The following ACTN2 variants were observed in gnomAD, a reference collection of about 807,000 sequenced individuals.
ACTN2 encodes the protein alpha-actinin-2.
Under a neutral mutation model 113.8 loss-of-function variants are expected in ACTN2, and 39 were observed. The ratio of observed to expected loss-of-function variants is 0.34; its 90% CI spans 0.27 to 0.45. The LOEUF is 0.45. Among genes scored for constraint, ACTN2 ranks in the 20% least tolerant of loss-of-function variants. The pLI, the probability that ACTN2 is intolerant of heterozygous loss-of-function variation, is 1.00. For missense variants in ACTN2, 992 were observed against 1,177.9 expected (o/e 0.84, Z 2.31); for synonymous variants, 429 against 444.1 (o/e 0.97, Z 0.43).
intron 1 of ACTN2, among the ~76,000 whole-genome samples, chr1:236,711,104 A>G (rs1658012410): frequency 6.6e-6 from 1 of 152,232 alleles, no homozygotes; most frequent in Non-Finnish European, 1.5e-5. Flanking sequence ...ATCTGCATCC[A>G]GGGAAGGCCT....
At chr1:236,719,177 T>C (rs1330318376) in intron 3 of ACTN2, among the ~76,000 whole-genome samples, 164 bp downstream of exon 3, 3 of 152,178 alleles carry the variant, frequency 2.0e-5, no homozygotes, top group Middle Eastern at 3.2e-3. Flanking sequence ...TAAGAACAAA[T>C]GGTACCATGA....
intron 1 of ACTN2, among the ~76,000 whole-genome samples, chr1:236,715,341 C>G (rs1297582749): frequency 1.2e-4 from 15 of 122,032 alleles, no homozygotes; most frequent in Admixed American, 8.3e-4. Flanking sequence ...AAGTTTTATA[C>G]CAAAGAAACC....
At chr1:236,698,394 A>G (rs1249547282) in intron 1 of ACTN2, among the ~76,000 whole-genome samples, 1 of 152,190 alleles carries the variant, frequency 6.6e-6, no homozygotes, top group East Asian at 1.9e-4. Context: ...AGTCATGAAA[A>G]TCGTAAAAGC....
rs763105764 is a variant in ACTN2, at chr1:236,747,675, A to G, written c.1415A>G (p.Asp472Gly). 1 of 1,613,890 alleles carries G rather than the reference A, an allele frequency of 6.2e-7. No individual in the cohort carries two copies. The highest frequency in any genetic ancestry group is 1.3e-5 in the African/African-American group (1 of 75,048). The change falls in exon 13 of 21, where the codon GAC becomes GGC. Residue 472 changes from aspartate (D) to glycine (G), a missense_variant. This residue lies in a region of ACTN2 where 736 missense variants were observed against 815.4 expected (regional missense o/e 0.90). Coordinates refer to ENST00000366578, the MANE Select transcript of ACTN2 (RefSeq NM_001103.4). ...ATTTTCACTTTTAATAGTGAACTGG[A>G]CTATCACGACGCTGTGAATGTCAAT... is the stretch of plus-strand genomic sequence containing the variant. The part of the protein sequence containing the change: ...AAIAQELNEL[D>G]YHDAVNVNDR...
At chr1:236,745,116 T>C (rs375159969) in intron 12 of ACTN2, among the ~76,000 whole-genome samples, 4 of 152,196 alleles carry the variant, frequency 2.6e-5, no homozygotes, top group East Asian at 3.9e-4. Flanking sequence ...TAGCCTGTCC[T>C]GAAATCAACA....
intron 1 of ACTN2, among the ~76,000 whole-genome samples, chr1:236,700,449 A>G (rs1657639390): frequency 6.6e-6 from 1 of 152,174 alleles, no homozygotes; most frequent in Admixed American, 6.5e-5. Flanking sequence ...AGGCCTGTAT[A>G]TGTGGGTGGC....
At chr1:236,699,303 G>T (rs1246529018) in intron 1 of ACTN2, among the ~76,000 whole-genome samples, 1 of 152,124 alleles carries the variant, frequency 6.6e-6, no homozygotes, top group Admixed American at 6.6e-5. Flanking sequence ...GGTGCAACTG[G>T]GAATGTCTGA....
intron 12 of ACTN2, among the ~76,000 whole-genome samples, chr1:236,745,161 G>A (rs1471504174): frequency 1.3e-5 from 2 of 152,130 alleles, no homozygotes; most frequent in East Asian, 1.9e-4. Flanking sequence ...CTGGCCGGGC[G>A]CGGTGGCTCA....
At chr1:236,728,143 CT>C (rs11436295) in intron 6 of ACTN2, among the ~76,000 whole-genome samples, 51,361 of 120,516 alleles carry the variant, frequency 0.43, 8,827 homozygotes, top group Non-Finnish European at 0.51. Flanking sequence ...TAGCCCAAGC[CT>C]TTTTTTTTTT....
intron 1 of ACTN2, among the ~76,000 whole-genome samples, chr1:236,715,737 C>A (rs1032412892): frequency 2.0e-5 from 3 of 152,114 alleles, no homozygotes; most frequent in Non-Finnish European, 4.4e-5. Context: ...AGATGGATCA[C>A]CTGAAGTCAG....
At chr1:236,705,896 A>G (rs1053646052) in intron 1 of ACTN2, among the ~76,000 whole-genome samples, 2 of 152,186 alleles carry the variant, frequency 1.3e-5, no homozygotes, top group Non-Finnish European at 2.9e-5. Flanking sequence ...TGAATAGCCC[A>G]TGGACTAAAT....
intron 1 of ACTN2, among the ~76,000 whole-genome samples, chr1:236,709,537 T>C (rs1411281821): frequency 6.6e-6 from 1 of 151,582 alleles, no homozygotes; most frequent in African/African-American, 2.4e-5. Context: ...CCGCTGTAGC[T>C]GGGGCTTGCT....
At chr1:236,732,359 C>G (rs1658733685) in intron 7 of ACTN2, among the ~76,000 whole-genome samples, 1 of 152,230 alleles carries the variant, frequency 6.6e-6, no homozygotes, top group African/African-American at 2.4e-5. Flanking sequence ...GTGGCAGCAT[C>G]AGTCCAATCT....
At chr1:236,709,993 A>G (rs1657977772) in intron 1 of ACTN2, among the ~76,000 whole-genome samples, 1 of 152,256 alleles carries the variant, frequency 6.6e-6, no homozygotes, top group Admixed American at 6.5e-5. Flanking sequence ...TGAAGGTTGA[A>G]CAGATAGTTT....
intron 1 of ACTN2, among the ~76,000 whole-genome samples, chr1:236,709,274 A>G (rs1657939647): frequency 7.3e-6 from 1 of 137,866 alleles, no homozygotes; most frequent in African/African-American, 2.7e-5. Flanking sequence ...ACACACACAT[A>G]TATATGTATA....
intron 12 of ACTN2, among the ~76,000 whole-genome samples, chr1:236,746,192 A>C (rs898178695): frequency 1.3e-5 from 2 of 151,446 alleles, no homozygotes; most frequent in Non-Finnish European, 2.9e-5. Context: ...AAGAAAGAAA[A>C]AAAAAAAGAA....
intron 1 of ACTN2, among the ~76,000 whole-genome samples, chr1:236,690,805 G>A (rs911850669): frequency 2.6e-5 from 4 of 152,110 alleles, no homozygotes; most frequent in South Asian, 4.2e-4. Context: ...GTACAATTCA[G>A]TGGTGGTACG....
intron 8 of ACTN2, chr1:236,736,450 G>T (rs1042683574): frequency 4.4e-5 from 30 of 675,802 alleles, no homozygotes; most frequent in Admixed American, 8.8e-5. Context: ...AGCTTCTCTT[G>T]TTCCATCAGA....
At chr1:236,761,319 G>A in intron 20 of ACTN2, 146 bp downstream of exon 20, 1 of 972,816 alleles carries the variant, frequency 1.0e-6, no homozygotes, top group Non-Finnish European at 1.6e-6. Context: ...GCAGCAGATA[G>A]ACACACAACA....
Sources: allele counts gnomAD v4.1 joint callset (sites outside exome capture counted in the v4.1 genomes callset), GRCh38; gene constraint gnomAD v4.1.1; regional missense constraint gnomAD v4.1.1; transcripts MANE v1.5; gene names NCBI Gene and HGNC (gene_info 2026-07-23, HGNC 2026-07-21).